R3HCC1L: variants seen among roughly 807,000 people sequenced by gnomAD.
R3HCC1L encodes coiled-coil domain-containing protein R3HCC1L.
Under a neutral mutation model 59.9 loss-of-function variants are expected in R3HCC1L, and 51 were observed. The observed-to-expected ratio is 0.85, with a 90% confidence interval of 0.68 to 1.07. R3HCC1L has a LOEUF of 1.07. Among genes scored for constraint, R3HCC1L ranks in the 50% least tolerant of loss-of-function variants. R3HCC1L has a pLI of 0.00. For synonymous variants in R3HCC1L, 322 were observed against 315.2 expected (o/e 1.02, Z -0.23); for missense variants, 965 against 933.0 (o/e 1.03, Z -0.45).
chr10:98,158,317 G>A (rs1348654075), intron 2 of R3HCC1L, among the ~76,000 whole-genome samples: 1 of 152,108 alleles, frequency 6.6e-6, no homozygotes, highest in African/African-American at 2.4e-5. Flanking sequence ...GAATCCTAGA[G>A]ATTATATTCT....
At chr10:98,229,609 A>G (rs1375299382) in intron 5 of R3HCC1L, among the ~76,000 whole-genome samples, 1 of 152,194 alleles carries the variant, frequency 6.6e-6, no homozygotes, top group African/African-American at 2.4e-5. Flanking sequence ...CAGAACTTCC[A>G]ACACTATGTT....
intron 4 of R3HCC1L, among the ~76,000 whole-genome samples, chr10:98,195,831 G>A (rs1348229211): frequency 6.6e-6 from 1 of 152,102 alleles, no homozygotes; most frequent in Non-Finnish European, 1.5e-5. Flanking sequence ...AATATTAGCT[G>A]CTATATCCAT....
intron 1 of R3HCC1L, among the ~76,000 whole-genome samples, chr10:98,137,944 A>G (rs1844756048): frequency 6.6e-6 from 1 of 151,518 alleles, no homozygotes. Context: ...CTTATTGGAT[A>G]GGGTCTGGGA....
intron 4 of R3HCC1L, among the ~76,000 whole-genome samples, chr10:98,178,340 G>T (rs1358699272): frequency 6.6e-6 from 1 of 152,114 alleles, no homozygotes; most frequent in African/African-American, 2.4e-5. Context: ...CCCATTTCTT[G>T]TTTTTGTCAG....
intron 5 of R3HCC1L, chr10:98,211,407 C>A: frequency 6.7e-7 from 1 of 1,481,928 alleles, no homozygotes; most frequent in Non-Finnish European, 9.0e-7. Context: ...ACTGTCAGCC[C>A]ATAATTAGAA....
At chr10:98,151,920 C>T (rs1192481744) in intron 1 of R3HCC1L, among the ~76,000 whole-genome samples, 3 of 151,988 alleles carry the variant, frequency 2.0e-5, no homozygotes, top group African/African-American at 4.8e-5. Flanking sequence ...CTCTCTCTCC[C>T]TCTCCCTCTC....
chr10:98,152,462 A>T, intron 1 of R3HCC1L, among the ~76,000 whole-genome samples: 1 of 138,708 alleles, frequency 7.2e-6, no homozygotes. Context: ...CAATCTGGGA[A>T]GTGAGGAGCG....
At chr10:98,187,730 C>CTTTT (rs755546581) in intron 4 of R3HCC1L, among the ~76,000 whole-genome samples, 10 of 95,138 alleles carry the variant, frequency 1.1e-4, no homozygotes, top group East Asian at 9.5e-4. Context: ...TGTAACAATT[C>CTTTT]TTTTTTTTTT....
At chr10:98,232,562 TAAG>T (rs1278146100) in intron 6 of R3HCC1L, among the ~76,000 whole-genome samples, 5 of 152,262 alleles carry the variant, frequency 3.3e-5, no homozygotes, top group East Asian at 1.9e-4. Flanking sequence ...AGAAAGTTAT[TAAG>T]AAGATTTTCA....
At chr10:98,222,551 C>A (rs1409332918) in intron 5 of R3HCC1L, among the ~76,000 whole-genome samples, 3 of 151,960 alleles carry the variant, frequency 2.0e-5, no homozygotes, top group Non-Finnish European at 4.4e-5. Flanking sequence ...TGAAATACGT[C>A]CCATCAATAC....
At chr10:98,146,298 A>G (rs1845649663) in intron 1 of R3HCC1L, among the ~76,000 whole-genome samples, 1 of 152,246 alleles carries the variant, frequency 6.6e-6, no homozygotes, top group Non-Finnish European at 1.5e-5. Context: ...AAGAGTAAGT[A>G]GGGATATCCG....
intron 5 of R3HCC1L, chr10:98,211,484 G>C (rs964416344): frequency 2.5e-6 from 3 of 1,178,660 alleles, no homozygotes; most frequent in Non-Finnish European, 3.4e-6. Flanking sequence ...TGGGAAGCTA[G>C]GTGAATATAG....
At chr10:98,235,880 C>A in intron 8 of R3HCC1L, 144 bp from the exon 9 acceptor site, 1 of 948,798 alleles carries the variant, frequency 1.1e-6, no homozygotes, top group East Asian at 2.6e-5. Context: ...TTCCTCTGAT[C>A]ATCATCTATC....
At chr10:98,207,060 G>C (rs1038396200) in intron 4 of R3HCC1L, among the ~76,000 whole-genome samples, 4 of 152,158 alleles carry the variant, frequency 2.6e-5, no homozygotes, top group African/African-American at 9.7e-5. Flanking sequence ...TAGGGATCTG[G>C]AATAGAGTGG....
intron 9 of R3HCC1L, among the ~76,000 whole-genome samples, chr10:98,239,761 G>T (rs1034940611): frequency 6.6e-6 from 1 of 152,056 alleles, no homozygotes; most frequent in African/African-American, 2.4e-5. Flanking sequence ...GCAGTGGCAC[G>T]ATCACAGCTC....
intron 1 of R3HCC1L, among the ~76,000 whole-genome samples, chr10:98,153,333 A>G (rs1426884314): frequency 2.6e-5 from 4 of 152,166 alleles, no homozygotes; most frequent in South Asian, 2.1e-4. Flanking sequence ...GCTCTCTGAA[A>G]CATGTGCTGT....
chr10:98,197,578 A>G (rs1851579803), intron 4 of R3HCC1L, among the ~76,000 whole-genome samples: 1 of 152,204 alleles, frequency 6.6e-6, no homozygotes, highest in South Asian at 2.1e-4. Context: ...AATGCCTAAG[A>G]TGGGACTTGG....
At position 98,199,866 on chromosome 10, in the gene R3HCC1L, G is replaced by A. The variant is rs374871427; in HGVS notation, c.-14-8235G>A. Reference sequence around the variant, plus strand: ...ATTCTCAGAATCAACAAAGAATGATGTGATATCTTCCTGGCATAATTTTTC... The same window carrying A: ...ATTCTCAGAATCAACAAAGAATGATATGATATCTTCCTGGCATAATTTTTC... On this transcript the variant is annotated intron_variant, in intron 4 of 9. Transcript: ENST00000298999. 1.4e-4 allele frequency among the ~76,000 whole-genome samples: 21 copies of A among 152,120 alleles called. No homozygotes were observed. In the East Asian group the frequency reaches 2.9e-3, roughly 21 times the overall value.
At chr10:98,143,098 G>C (rs1845320842) in intron 1 of R3HCC1L, among the ~76,000 whole-genome samples, 1 of 152,100 alleles carries the variant, frequency 6.6e-6, no homozygotes, top group South Asian at 2.1e-4. Flanking sequence ...ATCTTGTCTG[G>C]TCCCACAAGT....
Sources: allele counts gnomAD v4.1 joint callset (sites outside exome capture counted in the v4.1 genomes callset), GRCh38; gene constraint gnomAD v4.1.1; transcripts MANE v1.5; gene names NCBI Gene and HGNC (gene_info 2026-07-23, HGNC 2026-07-21).